YARS1: variants seen among roughly 807,000 people sequenced by gnomAD.
YARS1 encodes tyrosine--tRNA ligase, cytoplasmic.
YARS1 carries 36 observed loss-of-function variants against 62.2 expected under a neutral mutation model. That is an observed-to-expected ratio of 0.58 (90% confidence interval 0.44 to 0.76). YARS1 has a LOEUF of 0.76. YARS1 is among the 30% of genes least tolerant of loss of function. YARS1 has a pLI of 0.00. For missense variants in YARS1, 524 were observed against 639.8 expected (o/e 0.82, Z 1.95); for synonymous variants, 234 against 244.9 (o/e 0.96, Z 0.42).
At chr1:32,787,131 A>T (rs984026143) in intron 6 of YARS1, 56 bp from the exon 7 acceptor site, 1 of 1,608,230 alleles carries the variant, frequency 6.2e-7, no homozygotes, top group Admixed American at 1.7e-5. Flanking sequence ...GAATATGCTC[A>T]ACTAATATAA....
At chr1:32,780,683 A>G in intron 10 of YARS1, 1 of 413,002 alleles carries the variant, frequency 2.4e-6, no homozygotes, top group Admixed American at 3.7e-5. Flanking sequence ...TCTGGGAAAA[A>G]GGAAGTCTTC....
chr1:32,788,725 C>G (rs1025974292), intron 6 of YARS1, among the ~76,000 whole-genome samples: 3 of 151,936 alleles, frequency 2.0e-5, no homozygotes, highest in Admixed American at 1.3e-4. Context: ...GCCACCGCAC[C>G]TGGCATGCCT....
Position 32,782,537 on chromosome 1 carries a change from A to G in YARS1, c.909T>C (p.Val303=), listed in dbSNP as rs1557447433. Residue 303 remains valine, a splice_region_variant and synonymous_variant, in exon 9 of 13, where the codon GTT becomes GTC. Coordinates refer to ENST00000373477, the MANE Select transcript of YARS1 (RefSeq NM_003680.4). ...VDLEKDFAAE[V]VHPGDLKNSV... ...AATTCTTCAGGTCTCCAGGATGTAC[A>G]ACCTGCAGAATCGAACAAGACCTAG... 5.6e-6 allele frequency: 9 copies of G among 1,614,180 alleles called. No individual in the cohort carries two copies. Among genetic ancestry groups the G allele is most frequent in the Non-Finnish European group, 7.6e-6 (9 of 1,180,042 alleles).
At chr1:32,810,153 T>C (rs1638553811) in intron 3 of YARS1, among the ~76,000 whole-genome samples, 1 of 150,846 alleles carries the variant, frequency 6.6e-6, no homozygotes, top group South Asian at 2.1e-4. Context: ...ACGAAATATC[T>C]ATGCTAACAT....
At chr1:32,791,919 G>A (rs1653424037) in intron 5 of YARS1, among the ~76,000 whole-genome samples, 1 of 152,154 alleles carries the variant, frequency 6.6e-6, no homozygotes, top group Non-Finnish European at 1.5e-5. Context: ...CTCACTGAGG[G>A]TATTTCTTTG....
At chr1:32,809,605 G>A (rs1008616452) in intron 3 of YARS1, among the ~76,000 whole-genome samples, 2 of 152,078 alleles carry the variant, frequency 1.3e-5, no homozygotes, top group African/African-American at 2.4e-5. Context: ...ATTAGATGCA[G>A]TAAAAAGAGA....
In YARS1 at chr1:32,806,466, C is replaced by T. The variant is rs1279398000; in HGVS notation, c.510+16G>A. The stretch of plus-strand genomic sequence containing the variant: ...AGCAGAAAAGGTCATCGGGCCACTC[C>T]ATCCCCCTTAAGTACCTGCAGTCCG... On this transcript the variant is annotated intron_variant, in intron 4 of 12. Coordinates refer to ENST00000373477, the MANE Select transcript of YARS1 (RefSeq NM_003680.4). 3 of 1,613,614 alleles carry T rather than the reference C, an allele frequency of 1.9e-6. No individual in the cohort carries two copies. The African/African-American group carries it at 4.0e-5, about 22-fold the overall frequency.
At chr1:32,791,507 AAAC>A (rs1653411116) in intron 5 of YARS1, among the ~76,000 whole-genome samples, 1 of 152,192 alleles carries the variant, frequency 6.6e-6, no homozygotes, top group South Asian at 2.1e-4. Flanking sequence ...GAAATACATA[AAAC>A]AACAGGGCAA....
chr1:32,797,779 A>T lies in YARS1; in HGVS notation c.575T>A (p.Phe192Tyr). Residue 192 changes from phenylalanine (F) to tyrosine (Y), a missense_variant, in exon 5 of 13, where the codon TTC becomes TAC. Phe to Tyr is a conservative substitution (Grantham distance 22). Transcript: ENST00000373477. The stretch of plus-strand genomic sequence containing the variant: ...GACACTCACCTTCTCTGCAAAGGTG[A>T]AAATCTTTCTCTGATCAATGCCTCC... ...QFGGIDQRKI[F>Y]TFAEKYLPAL... 1.9e-6 allele frequency: 3 copies of T among 1,614,194 alleles called. No homozygotes were observed. The highest frequency in any genetic ancestry group is 2.5e-6 in the Non-Finnish European group (3 of 1,180,036).
At chr1:32,779,909 C>A in intron 11 of YARS1, 176 bp downstream of exon 11, 1 of 728,726 alleles carries the variant, frequency 1.4e-6, no homozygotes, top group South Asian at 1.7e-5. Flanking sequence ...AGGTAAAATG[C>A]TTCATTAACA....
At position 32,798,078 on chromosome 1, in the gene YARS1, C is replaced by T. The variant is rs1357827641; in HGVS notation, c.511-235G>A. 3 of 458,148 alleles carry T rather than the reference C, an allele frequency of 6.5e-6. No homozygotes were observed. In the East Asian group the frequency reaches 1.4e-4, roughly 21 times the overall value. 28.4% of individuals were successfully genotyped at this position (458,148 alleles called of 1,614,324 possible). On this transcript the variant is annotated intron_variant, in intron 4 of 12. Coordinates refer to ENST00000373477, the MANE Select transcript of YARS1 (RefSeq NM_003680.4). The stretch of plus-strand genomic sequence containing the variant: ...GTAGAGACAACGTTTTGCCATGTTG[C>T]CCAGGCTGGCCTTAAAATCCTGAGC...
Position 32,791,173 on chromosome 1 carries a change from A to T in YARS1, c.673T>A (p.Ser225Thr), listed in dbSNP as rs1490730042. Residue 225 changes from serine to threonine, a missense_variant, in exon 6 of 13, where the codon TCT (serine) becomes ACT (threonine). Physicochemically the swap from Ser to Thr is moderately conservative, Grantham distance 58 (BLOSUM62 1). Coordinates refer to ENST00000373477, the MANE Select transcript of YARS1 (RefSeq NM_003680.4). ...VPGLTGSKMS[S>T]SEEESKIDLL... The stretch of plus-strand genomic sequence containing the variant: ...AGCTGGCAACTTACCTCTTCTGAAG[A>T]GCTCATTTTGCTGCCTGTTAATCCT... 1.2e-6 allele frequency: 2 copies of T among 1,614,056 alleles called. No individual in the cohort carries two copies. The highest frequency in any genetic ancestry group is 1.7e-6 in the Non-Finnish European group (2 of 1,179,940).
chr1:32,801,942 CTTTTTTTTTTTTTT>C (rs34270752), intron 4 of YARS1, among the ~76,000 whole-genome samples: 1 of 103,888 alleles, frequency 9.6e-6, no homozygotes, highest in Non-Finnish European at 1.9e-5. Context: ...CTTGTTATTT[CTTTTTTTTTTTTTT>C]TTTTTTTTTG....
intron 1 of YARS1, among the ~76,000 whole-genome samples, chr1:32,813,834 T>C (rs761171823): frequency 2.0e-5 from 3 of 152,136 alleles, no homozygotes; most frequent in Non-Finnish European, 4.4e-5. Context: ...CAGTGAGTAT[T>C]TTTTAGTCCT....
Position 32,781,104 on chromosome 1 carries a change from C to T in YARS1, c.1084G>A (p.Glu362Lys), listed in dbSNP as rs754828392. 2 of 1,614,226 alleles carry T rather than the reference C, an allele frequency of 1.2e-6. No individual in the cohort carries two copies. Among genetic ancestry groups the T allele is most frequent in the South Asian group, 1.1e-5 (1 of 91,090 alleles). Residue 362 changes from glutamate (E) to lysine (K), a missense_variant, in exon 10 of 13, where the codon GAG becomes AAG. Physicochemically the swap from Glu to Lys is moderately conservative, Grantham distance 56. Coordinates refer to ENST00000373477, the MANE Select transcript of YARS1 (RefSeq NM_003680.4). The part of the protein sequence containing the change: ...KGPAKNSEPE[E>K]VIPSRLDIRV... Reference sequence around the variant, plus strand: ...ATATCCAGCCGGGATGGGATGACCTCCTCTGGTTCTGAATTCTTGGCAGGG... The same window carrying T: ...ATATCCAGCCGGGATGGGATGACCTTCTCTGGTTCTGAATTCTTGGCAGGG...
chr1:32,807,463 A>G (rs1031422050), intron 3 of YARS1, among the ~76,000 whole-genome samples: 1 of 145,522 alleles, frequency 6.9e-6, no homozygotes, highest in East Asian at 2.0e-4. Context: ...TTTTCCTTTT[A>G]TTTTTTTTTT....
At chr1:32,780,364 T>C (rs2148600058) in intron 10 of YARS1, 86 bp from the exon 11 acceptor site, 3 of 1,513,332 alleles carry the variant, frequency 2.0e-6, no homozygotes, top group Non-Finnish European at 2.7e-6. Context: ...GAAAGGAGCA[T>C]CCACTCCTTA....
At chr1:32,813,353 C>G (rs1638628535) in intron 1 of YARS1, among the ~76,000 whole-genome samples, 1 of 152,186 alleles carries the variant, frequency 6.6e-6, no homozygotes, top group Non-Finnish European at 1.5e-5. Context: ...GAGTCTCACT[C>G]TGTTGCCCAG....
chr1:32,795,384 G>T (rs974332063), intron 5 of YARS1, among the ~76,000 whole-genome samples: 2 of 152,192 alleles, frequency 1.3e-5, no homozygotes, highest in Admixed American at 6.5e-5. Flanking sequence ...GAAAAATGTA[G>T]TAAAACTGTT....
Sources: gnomAD v4.1 joint callset for allele counts (sites outside exome capture counted in the v4.1 genomes callset) on GRCh38, gnomAD v4.1.1 for gene constraint, MANE v1.5 for transcripts, NCBI Gene and HGNC (gene_info 2026-07-23, HGNC 2026-07-21) for gene names.